Variants in CFAP299 observed in about 807,000 individuals in gnomAD.
CFAP299 encodes cilia- and flagella-associated protein 299.
CFAP299 carries 21 observed loss-of-function variants against 27.0 expected under a neutral mutation model. The observed-to-expected ratio is 0.78, with a 90% CI of 0.55 to 1.12. The LOEUF is 1.12. Among genes scored for constraint, CFAP299 ranks in the 50% most tolerant of loss-of-function variants. The probability of loss-of-function intolerance (pLI) is 0.00; values close to 1 mark genes in which losing one functional copy is unlikely to be tolerated. For synonymous variants in CFAP299, 104 were observed against 98.1 expected, an observed-to-expected ratio of 1.06 and a Z score of -0.36; for missense variants, 310 against 276.6, an observed-to-expected ratio of 1.12 and a Z score of -0.86.
intron 4 of CFAP299, among the ~76,000 whole-genome samples, chr4:80,918,101 T>C (rs1346430978): frequency 6.6e-6 from 1 of 152,180 alleles, no homozygotes; most frequent in Non-Finnish European, 1.5e-5. Flanking sequence ...GATAGGAAGA[T>C]ACCAATCAAG....
intron 2 of CFAP299, among the ~76,000 whole-genome samples, chr4:80,500,304 T>C (rs1025417628): frequency 2.6e-5 from 4 of 152,114 alleles, no homozygotes; most frequent in African/African-American, 9.7e-5. Flanking sequence ...CATCTGCCAT[T>C]CCATGGAAAG....
At chr4:80,329,855 T>C in the CFAP299 span, among the ~76,000 whole-genome samples, 1 of 152,318 alleles carries the variant, frequency 6.6e-6, no homozygotes, top group South Asian at 2.1e-4. Flanking sequence ...GAGATTATCA[T>C]GTAATTTAGA....
At chr4:80,609,179 TA>T (rs1029560895) in intron 3 of CFAP299, among the ~76,000 whole-genome samples, 1 of 151,968 alleles carries the variant, frequency 6.6e-6, no homozygotes, top group African/African-American at 2.4e-5. Context: ...TAAAATGCTT[TA>T]AAAAAATAAG....
At chr4:80,589,284 A>G (rs1215079537) in intron 3 of CFAP299, among the ~76,000 whole-genome samples, 1 of 152,172 alleles carries the variant, frequency 6.6e-6, no homozygotes, top group Non-Finnish European at 1.5e-5. Flanking sequence ...AACTCAAGCA[A>G]TCTGGGTCCA....
chr4:80,719,134 C>T (rs1722668499), intron 3 of CFAP299, among the ~76,000 whole-genome samples: 1 of 151,906 alleles, frequency 6.6e-6, no homozygotes, highest in South Asian at 2.1e-4. Flanking sequence ...GACATTGGGA[C>T]CCACTTGAAC....
chr4:80,763,577 A>G (rs1725664008), intron 3 of CFAP299, among the ~76,000 whole-genome samples: 1 of 152,138 alleles, frequency 6.6e-6, no homozygotes. Context: ...AATATCATTG[A>G]CTTTCTTCAC....
chr4:80,375,749 AGAGGG>A (rs1390259756), intron 2 of CFAP299, among the ~76,000 whole-genome samples: 41 of 152,246 alleles, frequency 2.7e-4, no homozygotes, highest in African/African-American at 9.4e-4. Context: ...ATTGCCTGCT[AGAGGG>A]GCGCCACATT....
chr4:80,918,102 A>G (rs7666957), intron 4 of CFAP299, among the ~76,000 whole-genome samples: 46,643 of 152,074 alleles, frequency 0.31, 10,658 homozygotes, highest in African/African-American at 0.64. Context: ...ATAGGAAGAT[A>G]CCAATCAAGC....
intron 4 of CFAP299, among the ~76,000 whole-genome samples, chr4:80,887,504 G>T (rs1734030519): frequency 6.6e-6 from 1 of 152,024 alleles, no homozygotes; most frequent in Admixed American, 6.6e-5. Context: ...GCATGAAGGA[G>T]AAATAAATAA....
intron 4 of CFAP299, among the ~76,000 whole-genome samples, chr4:80,942,337 G>A (rs577596108): frequency 6.6e-6 from 1 of 152,130 alleles, no homozygotes; most frequent in Non-Finnish European, 1.5e-5. Context: ...TGGAATCCAA[G>A]TGGTCATTTT....
intron 3 of CFAP299, among the ~76,000 whole-genome samples, chr4:80,717,797 C>T (rs1260807477): frequency 6.6e-6 from 1 of 152,062 alleles, no homozygotes; most frequent in Non-Finnish European, 1.5e-5. Context: ...GTCTAATTCT[C>T]ATTTTATCCT....
At chr4:80,871,543 C>T (rs1733098184) in intron 4 of CFAP299, 1 of 985,392 alleles carries the variant, frequency 1.0e-6, no homozygotes, top group African/African-American at 1.7e-5. Flanking sequence ...CCTGCTATTG[C>T]TTCTGTGTCA....
intron 2 of CFAP299, chr4:80,387,903 G>C: frequency 1.1e-6 from 1 of 902,082 alleles, no homozygotes; most frequent in East Asian, 2.4e-5. Flanking sequence ...CGGTGCCCCC[G>C]GTGGCACTGG....
intron 3 of CFAP299, among the ~76,000 whole-genome samples, chr4:80,603,688 T>C (rs990228720): frequency 1.8e-4 from 28 of 152,344 alleles, no homozygotes; most frequent in African/African-American, 6.7e-4. Context: ...AAATTGATAG[T>C]GACCTCAATT....
chr4:80,960,056 A>C (rs968075581), intron 5 of CFAP299, among the ~76,000 whole-genome samples: 1 of 151,730 alleles, frequency 6.6e-6, no homozygotes, highest in African/African-American at 2.4e-5. Context: ...AGCACAGAAA[A>C]TTATTTTTAT....
intron 2 of CFAP299, among the ~76,000 whole-genome samples, chr4:80,407,317 A>G (rs775234399): frequency 2.6e-5 from 4 of 152,302 alleles, no homozygotes; most frequent in Middle Eastern, 3.4e-3. Flanking sequence ...CCATTTATTC[A>G]GCTCACAAGT....
intron 3 of CFAP299, among the ~76,000 whole-genome samples, chr4:80,637,096 C>G (rs1739490951): frequency 6.6e-6 from 1 of 152,006 alleles, no homozygotes; most frequent in Non-Finnish European, 1.5e-5. Flanking sequence ...ATGGATGCTA[C>G]AAAGAATAGT....
intron 2 of CFAP299, among the ~76,000 whole-genome samples, chr4:80,449,319 T>C (rs1013159115): frequency 3.3e-5 from 5 of 151,928 alleles, no homozygotes; most frequent in Non-Finnish European, 5.9e-5. Flanking sequence ...AATTTTCACA[T>C]TGTTATTTCA....
rs1722110425 is a variant in CFAP299 at position 80,335,894 on chromosome 4, CG to C, written c.111+17del. The C allele has an allele frequency of 6.6e-7, 1 of 1,520,826 alleles. No homozygotes were observed. 94.2% of individuals were successfully genotyped at this position (1,520,826 alleles called of 1,614,324 possible). Reference sequence around the variant, plus strand: ...ACTACCTGGAGGTAAGGGCGGAGCGCGGCAGAGTAGCCGCCGCCGCGCGTCC... The same window carrying C: ...ACTACCTGGAGGTAAGGGCGGAGCGCGCAGAGTAGCCGCCGCCGCGCGTCC... On this transcript the variant is annotated intron_variant, in intron 1 of 5. Transcript: ENST00000358105.
Sources: allele counts gnomAD v4.1 joint callset (sites outside exome capture counted in the v4.1 genomes callset), GRCh38; gene constraint gnomAD v4.1.1; transcripts MANE v1.5; gene names NCBI Gene and HGNC (gene_info 2026-07-23, HGNC 2026-07-21).